AKNA: variants seen among roughly 807,000 people sequenced by gnomAD.
AKNA encodes microtubule organization protein AKNA.
A neutral mutation model predicts 138.8 loss-of-function variants in AKNA; 67 were observed. The observed-to-expected ratio is 0.48, with a 90% confidence interval of 0.40 to 0.59. AKNA has a LOEUF of 0.59. Ranked by LOEUF, AKNA falls within the 20% of genes least tolerant of loss-of-function variation. The pLI, the probability that AKNA is intolerant of heterozygous loss-of-function variation, is 0.00. For missense variants in AKNA, 1,813 were observed against 1,880.4 expected, an observed-to-expected ratio of 0.96 and a Z score of 0.66; for synonymous variants, 737 against 754.4, an observed-to-expected ratio of 0.98 and a Z score of 0.38.
At chr9:114,362,588 C>T in intron 7 of AKNA, 55 bp from the exon 8 acceptor site, 1 of 1,574,926 alleles carries the variant, frequency 6.3e-7, no homozygotes, top group South Asian at 1.2e-5. Context: ...CGGGGCCTGT[C>T]CCTGAAGACA....
chr9:114,390,838 T>G (rs1834306384), upstream of AKNA, among the ~76,000 whole-genome samples: 1 of 152,232 alleles, frequency 6.6e-6, no homozygotes, highest in Admixed American at 6.5e-5. Flanking sequence ...CCTGTTAACT[T>G]CTAGGCAACC....
Position 114,359,944 on chromosome 9 carries a change from C to G in AKNA, c.2243G>C (p.Arg748Thr), listed in dbSNP as rs1312127868. Reference sequence around the variant, plus strand: ...TTGCTCCATCTGCAGCTCCTTGTGCCTGAGTCGGGCCAGGGGGTCCTGTGG... The same window carrying G: ...TTGCTCCATCTGCAGCTCCTTGTGCGTGAGTCGGGCCAGGGGGTCCTGTGG... ...DRPQDPLARL[R>T]HKELQMEQVY... Residue 748 changes from arginine to threonine, a missense_variant, in exon 10 of 22, where the codon AGG becomes ACG. Transcript: ENST00000374088. 6.2e-7 allele frequency: 1 copy of G among 1,614,238 alleles called. No individual in the cohort carries two copies. Among genetic ancestry groups the G allele is most frequent in the East Asian group, 2.2e-5 (1 of 44,882 alleles).
At chr9:114,346,080 C>A in intron 17 of AKNA, 71 bp from the exon 18 acceptor site, 2 of 1,510,528 alleles carry the variant, frequency 1.3e-6, no homozygotes, top group Non-Finnish European at 9.1e-7. Flanking sequence ...AGTGGGTATG[C>A]CATGAGTTTA....
intron 18 of AKNA, chr9:114,345,328 C>T (rs1830610343): frequency 6.6e-6 from 1 of 152,202 alleles, no homozygotes; most frequent in Non-Finnish European, 1.5e-5. Flanking sequence ...GATTCTCCCA[C>T]CTCGGCCTCC....
intron 3 of AKNA, 30 bp downstream of exon 3, chr9:114,376,436 G>T: frequency 6.2e-7 from 1 of 1,611,102 alleles, no homozygotes; most frequent in South Asian, 1.1e-5. Context: ...GGGCCTTGGT[G>T]ACACATCCAC....
At chr9:114,355,557 C>A (rs1047545269) in intron 14 of AKNA, among the ~76,000 whole-genome samples, 3 of 152,352 alleles carry the variant, frequency 2.0e-5, no homozygotes, top group Non-Finnish European at 2.9e-5. Context: ...TGAAGTGTTG[C>A]TCTGCAATGA....
intron 16 of AKNA, 102 bp downstream of exon 16, chr9:114,347,622 G>A (rs762208520): frequency 9.6e-5 from 115 of 1,195,640 alleles, no homozygotes; most frequent in Admixed American, 1.9e-4. Context: ...AGAGGGATGT[G>A]GCAGTGCCTG....
intron 1 of AKNA, among the ~76,000 whole-genome samples, chr9:114,385,376 C>A (rs1284717948): frequency 1.3e-5 from 2 of 152,216 alleles, no homozygotes; most frequent in African/African-American, 4.8e-5. Context: ...GCAGGGCCTG[C>A]CCTTTGAAGT....
chr9:114,388,219 C>T (rs1834185385), upstream of AKNA: 1 of 208,248 alleles, frequency 4.8e-6, no homozygotes, highest in South Asian at 5.9e-5. Flanking sequence ...TCCTGACGTC[C>T]TGGGCTTGGG....
chr9:114,332,170 A>G (rs541985573), downstream of AKNA, among the ~76,000 whole-genome samples: 2 of 151,994 alleles, frequency 1.3e-5, no homozygotes, highest in Admixed American at 1.3e-4. Flanking sequence ...ACAGGAGGGA[A>G]CAGCGTGAGC....
chr9:114,377,639 G>C (rs1007699665), intron 2 of AKNA, 107 bp from the exon 3 acceptor site: 1 of 1,149,700 alleles, frequency 8.7e-7, no homozygotes, highest in Non-Finnish European at 1.2e-6. Flanking sequence ...TCATCACGTG[G>C]GGATGGAAAG....
At position 114,345,759 on chromosome 9, in the gene AKNA, A is replaced by G. The variant is rs910676121; in HGVS notation, c.3661+104T>C. ...CATATCACAGAACTGATAGAAAATG[A>G]TATTTGAATGGCCCACTGGGTATAT... On this transcript the variant is annotated intron_variant, in intron 18 of 21. Transcript: ENST00000374088. 1.9e-5 allele frequency: 20 copies of G among 1,070,710 alleles called. No homozygotes were observed. In the African/African-American group the frequency reaches 2.9e-4, roughly 15 times the overall value. 66.3% of individuals were successfully genotyped at this position (1,070,710 alleles called of 1,614,324 possible).
intron 3 of AKNA, 84 bp from the exon 4 acceptor site, chr9:114,374,251 C>G: frequency 7.6e-7 from 1 of 1,314,510 alleles, no homozygotes; most frequent in Non-Finnish European, 1.1e-6. Flanking sequence ...AGCAAACCCC[C>G]TTCCATAAGG....
In AKNA at chr9:114,358,020, T is replaced by C; in HGVS notation, c.2640A>G (p.Ala880=). The C allele has an allele frequency of 6.2e-7, 1 of 1,610,368 alleles. No homozygotes were observed. Among genetic ancestry groups the C allele is most frequent in the South Asian group, 1.1e-5 (1 of 90,870 alleles). ...TGGTCATACTACTTTGGTGGGATGCTGCGGACTTGGTGCCTGGAGGGTGGG... is the reference window on the plus strand; with the variant it reads ...TGGTCATACTACTTTGGTGGGATGCCGCGGACTTGGTGCCTGGAGGGTGGG... The part of the protein sequence containing the change: ...VPPHPPGTKS[A]ASHQSSMTSL... Residue 880 remains alanine (A), a synonymous_variant, in exon 12 of 22, where the codon GCA becomes GCG. Transcript: ENST00000374088.
At chr9:114,390,015 G>C (rs987272704), upstream of AKNA, among the ~76,000 whole-genome samples, 3 of 152,106 alleles carry the variant, frequency 2.0e-5, no homozygotes, top group African/African-American at 7.2e-5. Context: ...GTGTGCCATT[G>C]TGCAAGGGGC....
chr9:114,368,284 G>A (rs1832516727), intron 5 of AKNA, 155 bp downstream of exon 5: 1 of 827,174 alleles, frequency 1.2e-6, no homozygotes, highest in East Asian at 3.1e-5. Context: ...CCACATCTCT[G>A]ACCCTTTTGA....
chr9:114,350,591 T>C (rs1831038021), intron 15 of AKNA, among the ~76,000 whole-genome samples: 1 of 152,164 alleles, frequency 6.6e-6, no homozygotes, highest in Non-Finnish European at 1.5e-5. Flanking sequence ...AAAGAGATGA[T>C]GGAGAGAGAG....
At chr9:114,365,228 T>C (rs1832256223) in intron 6 of AKNA, among the ~76,000 whole-genome samples, 1 of 152,248 alleles carries the variant, frequency 6.6e-6, no homozygotes, top group Non-Finnish European at 1.5e-5. Flanking sequence ...ATTTTTCTAC[T>C]ACATGTCCTT....
At chr9:114,374,267 TG>T (rs1833008858) in intron 3 of AKNA, 100 bp from the exon 4 acceptor site, 8 of 1,182,432 alleles carry the variant, frequency 6.8e-6, no homozygotes, top group Non-Finnish European at 9.8e-6. Context: ...TAAGGGCTTC[TG>T]GGTTCCTGAG....
Sources: allele counts gnomAD v4.1 joint callset (sites outside exome capture counted in the v4.1 genomes callset), GRCh38; gene constraint gnomAD v4.1.1; transcripts MANE v1.5; gene names NCBI Gene and HGNC (gene_info 2026-07-23, HGNC 2026-07-21).